TMPRSS9: variants seen among roughly 807,000 people sequenced by gnomAD.
TMPRSS9 encodes transmembrane protease serine 9.
TMPRSS9 carries 113 observed loss-of-function variants against 111.4 expected under a neutral mutation model. That is an observed-to-expected ratio of 1.01 (90% CI 0.87 to 1.19). TMPRSS9 has a LOEUF of 1.19. Ranked by LOEUF, TMPRSS9 falls within the 50% of genes most tolerant of loss-of-function variation. The pLI is 0.00. For missense variants in TMPRSS9, 1,803 were observed against 1,513.1 expected (o/e 1.19, Z -3.18); for synonymous variants, 805 against 659.1 (o/e 1.22, Z -3.39).
At chr19:2,361,844 C>A (rs980270895) in intron 1 of TMPRSS9, among the ~76,000 whole-genome samples, 1 of 152,194 alleles carries the variant, frequency 6.6e-6, no homozygotes, top group Admixed American at 6.5e-5. Flanking sequence ...CCGGAAACAC[C>A]TTGTGGGCCG....
chr19:2,387,504 AGAAAG>A (rs1274371738), upstream of TMPRSS9, among the ~76,000 whole-genome samples: 97 of 151,244 alleles, frequency 6.4e-4, no homozygotes, highest in Middle Eastern at 3.4e-3. Context: ...TCAATAGAAA[AGAAAG>A]GAAAGGAAAG....
At position 2,425,794 on chromosome 19, in the gene TMPRSS9, G is replaced by C. The variant is rs1395352232; in HGVS notation, c.3121-133G>C. The C allele has an allele frequency of 6.0e-6, 8 of 1,335,690 alleles. No individual in the cohort carries two copies. In the African/African-American group the frequency reaches 1.2e-4, roughly 20 times the overall value. The allele number at this position is 1,335,690 out of a possible 1,614,324, so 82.7% of individuals were successfully genotyped here. ...TAAATGTCTGCCACCTTTGCATTGA[G>C]CCCATTTTCCAGATAGTGAAAATGC... is the stretch of plus-strand genomic sequence containing the variant. On this transcript the variant is annotated intron_variant, in intron 17 of 17. Transcript: ENST00000648592.
chr19:2,370,896 AG>A (rs2145246145), intron 1 of TMPRSS9, among the ~76,000 whole-genome samples: 1 of 152,092 alleles, frequency 6.6e-6, no homozygotes, highest in African/African-American at 2.4e-5. Flanking sequence ...CAAGAGTTCA[AG>A]GCTGCAGTGA....
At position 2,415,873 on chromosome 19, in the gene TMPRSS9, G is replaced by A. The variant is rs755712217; in HGVS notation, c.1745+32G>A. ...CCCGCCTCCTCCAGGAAGGCTGCCC[G>A]GCTTCCCCTCCTCACCAGCCCCTCC... On this transcript the variant is annotated intron_variant, in intron 11 of 17. Transcript: ENST00000648592. 34 of 1,542,788 alleles carry A rather than the reference G, an allele frequency of 2.2e-5. No homozygotes were observed. The Admixed American group carries it at 2.4e-4, about 11-fold the overall frequency.
At chr19:2,386,593 T>C (rs1410905986), upstream of TMPRSS9, among the ~76,000 whole-genome samples, 1 of 152,106 alleles carries the variant, frequency 6.6e-6, no homozygotes, top group African/African-American at 2.4e-5. Context: ...GTCCATAAAG[T>C]GTGACGAGAA....
chr19:2,420,678 A>C (rs1265597150), intron 13 of TMPRSS9, among the ~76,000 whole-genome samples: 1 of 152,110 alleles, frequency 6.6e-6, no homozygotes, highest in Non-Finnish European at 1.5e-5. Context: ...AAGTGCCTTA[A>C]CCTCTCTGGG....
At chr19:2,397,329 T>C (rs975857425) in intron 2 of TMPRSS9, among the ~76,000 whole-genome samples, 7 of 151,384 alleles carry the variant, frequency 4.6e-5, no homozygotes, top group South Asian at 2.1e-4. Context: ...CTTGCTCTGT[T>C]GTCCAGGCTG....
At chr19:2,394,248 G>A (rs1440984197) in intron 1 of TMPRSS9, among the ~76,000 whole-genome samples, 5 of 77,546 alleles carry the variant, frequency 6.4e-5, no homozygotes, top group African/African-American at 1.3e-4. Context: ...GCGTGATAGT[G>A]GGCGCCTGTG....
upstream of TMPRSS9, among the ~76,000 whole-genome samples, chr19:2,385,583 A>G (rs1177314558): frequency 1.3e-5 from 2 of 151,934 alleles, no homozygotes; most frequent in Non-Finnish European, 2.9e-5. Context: ...ACGGTCAGAG[A>G]GGTGGCCGGG....
At position 2,421,845 on chromosome 19, in the gene TMPRSS9, C is replaced by G; in HGVS notation, c.2155-9C>G. 2 of 1,581,740 alleles carry G rather than the reference C, an allele frequency of 1.3e-6. No individual in the cohort carries two copies. The highest frequency in any genetic ancestry group is 1.7e-6 in the Non-Finnish European group (2 of 1,163,334). ...GAGGACCAACCAGTGCTCTTTCCTT[C>G]CTTTCTAGGGTGACTCTGGGGGCCC... On this transcript the variant is annotated splice_polypyrimidine_tract_variant and intron_variant, in intron 13 of 17. Transcript: ENST00000648592.
chr19:2,376,145 C>A lies in TMPRSS9; in HGVS notation c.-25-13616C>A, dbSNP rs1970332158. ...TGGGGGCTCCAGGCGAGAATGTGTT[C>A]CCGCCTTTCCCAGCGTCTAGAGGCA... On this transcript the variant is annotated intron_variant, in intron 1 of 17. Transcript: ENST00000649857. Among the ~76,000 whole-genome samples, 5 of 152,240 alleles carry A rather than the reference C, an allele frequency of 3.3e-5. No individual in the cohort carries two copies. The South Asian group carries it at 8.3e-4, about 25-fold the overall frequency.
intron 1 of TMPRSS9, among the ~76,000 whole-genome samples, chr19:2,377,323 T>TG (rs899509586): frequency 6.8e-6 from 1 of 147,398 alleles, no homozygotes; most frequent in African/African-American, 2.5e-5. Flanking sequence ...GTATTTGAGA[T>TG]GGGGTCTCAC....
At chr19:2,423,060 T>TAA (rs558254831) in intron 14 of TMPRSS9, among the ~76,000 whole-genome samples, 71 of 132,848 alleles carry the variant, frequency 5.3e-4, no homozygotes, top group Middle Eastern at 3.8e-3. Flanking sequence ...CTAAAAAAAT[T>TAA]AAAAAAAAAA....
exon 15 of TMPRSS9, chr19:2,424,187 C>G (rs199503794): frequency 6.8e-7 from 1 of 1,461,850 alleles, no homozygotes; most frequent in South Asian, 1.4e-5. Context: ...GCTGCGGCGC[C>G]GGGAACACCG....
In TMPRSS9 at chr19:2,424,088, G is replaced by C; in HGVS notation, c.2549-1G>C. On this transcript the variant is annotated splice_acceptor_variant, in intron 14 of 17. Coordinates refer to ENST00000648592, the Ensembl canonical transcript of TMPRSS9. LOFTEE classifies it high-confidence loss of function. ...TGCCCACGCGCCTGGCTCCCCCGCA[G>C]ACTGTGGCCTGGCGCCGGCCGCGCT... 4 of 1,290,342 alleles carry C rather than the reference G, an allele frequency of 3.1e-6. No individual in the cohort carries two copies. In the Admixed American group the frequency reaches 1.2e-4, roughly 39 times the overall value. The allele number at this position is 1,290,342 out of a possible 1,614,324, so 79.9% of individuals were successfully genotyped here.
At chr19:2,368,170 G>A (rs1397839249) in intron 1 of TMPRSS9, among the ~76,000 whole-genome samples, 1 of 152,170 alleles carries the variant, frequency 6.6e-6, no homozygotes, top group African/African-American at 2.4e-5. Flanking sequence ...GCTACGGAAC[G>A]GAGAGACTGC....
chr19:2,423,046 GTC>G (rs1971501488), intron 14 of TMPRSS9, among the ~76,000 whole-genome samples: 1 of 149,802 alleles, frequency 6.7e-6, no homozygotes, highest in African/African-American at 2.5e-5. Flanking sequence ...GACACAGCCT[GTC>G]TCTAAAAAAA....
rs1472957019 is a variant in TMPRSS9 at position 2,362,216 on chromosome 19, G to T, written c.-26+1856G>T. ...ATTGTGTATGGTTGTGTAATTGTGTGGTCGGGTGGGATCGTATATGGTTGT... is the reference window on the plus strand; with the variant it reads ...ATTGTGTATGGTTGTGTAATTGTGTTGTCGGGTGGGATCGTATATGGTTGT... On this transcript the variant is annotated intron_variant, in intron 1 of 17. Coordinates refer to the TMPRSS9 transcript ENST00000649857. Among the ~76,000 whole-genome samples the T allele has an allele frequency of 2.0e-5, 3 of 151,946 alleles. No individual in the cohort carries two copies. In the East Asian group the frequency reaches 5.8e-4, roughly 29 times the overall value.
intron 1 of TMPRSS9, among the ~76,000 whole-genome samples, chr19:2,382,856 C>G (rs1371907999): frequency 6.6e-6 from 1 of 152,114 alleles, no homozygotes; most frequent in African/African-American, 2.4e-5. Context: ...TTGGCTCATA[C>G]CATTGAGGGG....
Sources: allele counts gnomAD v4.1 joint callset (sites outside exome capture counted in the v4.1 genomes callset), GRCh38; gene constraint gnomAD v4.1.1; transcripts MANE v1.5; gene names NCBI Gene and HGNC (gene_info 2026-07-23, HGNC 2026-07-21).